The following ASTN2 variants were observed in gnomAD, a reference collection of about 807,000 sequenced individuals.
ASTN2 encodes astrotactin-2.
A neutral mutation model predicts 139.8 loss-of-function variants in ASTN2; 54 were observed. The ratio of observed to expected loss-of-function variants is 0.39; its 90% CI spans 0.31 to 0.48. The LOEUF (loss-of-function observed/expected upper bound fraction) is 0.48. ASTN2 is among the 20% of genes least tolerant of loss of function. ASTN2 has a pLI of 0.95. For missense variants in ASTN2, 1,565 were observed against 1,725.1 expected (o/e 0.91, Z 1.64); for synonymous variants, 756 against 719.5 (o/e 1.05, Z -0.81).
intron 5 of ASTN2, among the ~76,000 whole-genome samples, chr9:117,092,278 T>C (rs1313323365): frequency 6.6e-6 from 1 of 152,042 alleles, no homozygotes; most frequent in Non-Finnish European, 1.5e-5. Context: ...TCTTCCAAAA[T>C]CTTCTAACAT....
chr9:117,348,882 CAAAAAAAAA>C (rs58386335), intron 1 of ASTN2, among the ~76,000 whole-genome samples: 1 of 130,412 alleles, frequency 7.7e-6, no homozygotes, highest in African/African-American at 2.9e-5. Flanking sequence ...TGTCTCTGTC[CAAAAAAAAA>C]AAAAAAAAAG....
chr9:117,079,752 CA>C (rs1197650775), intron 5 of ASTN2, among the ~76,000 whole-genome samples: 1 of 152,092 alleles, frequency 6.6e-6, no homozygotes, highest in Non-Finnish European at 1.5e-5. Flanking sequence ...CACTGTTTTT[CA>C]AGATTTCAGG....
intron 1 of ASTN2, among the ~76,000 whole-genome samples, chr9:117,395,355 A>AG (rs1446430163): frequency 1.3e-5 from 2 of 152,224 alleles, no homozygotes; most frequent in Admixed American, 6.5e-5. Flanking sequence ...CTTTAAAAAA[A>AG]CATGCTGGGG....
chr9:116,565,385 CTCCATATATATATATATATATATATA>C (rs1194249516), intron 19 of ASTN2, among the ~76,000 whole-genome samples: 1 of 30,736 alleles, frequency 3.3e-5, no homozygotes, highest in Non-Finnish European at 5.4e-5. Flanking sequence ...CTCTCTCTCT[CTCCATATATATATATATATATATATA>C]TATATATATA....
chr9:116,867,477 G>GA (rs1269747942), intron 10 of ASTN2, among the ~76,000 whole-genome samples: 2 of 149,580 alleles, frequency 1.3e-5, no homozygotes, highest in Admixed American at 6.7e-5. Context: ...GTGAACCCGG[G>GA]AGGCGGAGCT....
intron 17 of ASTN2, among the ~76,000 whole-genome samples, chr9:116,632,575 A>T (rs568044097): frequency 6.6e-6 from 1 of 152,322 alleles, no homozygotes; most frequent in South Asian, 2.1e-4. Context: ...CCACCGCCAT[A>T]GCCTGTCCCA....
chr9:117,032,698 A>C (rs1045583738), intron 6 of ASTN2, among the ~76,000 whole-genome samples: 1 of 152,188 alleles, frequency 6.6e-6, no homozygotes, highest in East Asian at 1.9e-4. Context: ...GATGGAGGAC[A>C]TCAAGTAGGG....
chr9:116,911,707 A>T (rs957984410), intron 10 of ASTN2, among the ~76,000 whole-genome samples: 1 of 152,150 alleles, frequency 6.6e-6, no homozygotes, highest in Non-Finnish European at 1.5e-5. Context: ...GATCGAGAAC[A>T]TCCTGGCTAA....
chr9:116,652,345 TAAA>T (rs1271942896), intron 16 of ASTN2, among the ~76,000 whole-genome samples: 13 of 152,030 alleles, frequency 8.6e-5, no homozygotes, highest in African/African-American at 3.1e-4. Flanking sequence ...AAATGAAAAA[TAAA>T]TAAATTAATT....
At chr9:116,742,207 T>C (rs767310736) in intron 13 of ASTN2, among the ~76,000 whole-genome samples, 11 of 152,232 alleles carry the variant, frequency 7.2e-5, no homozygotes, top group Non-Finnish European at 1.3e-4. Context: ...AGCTGGACAA[T>C]AGTTTCAAAA....
chr9:117,023,556 T>C (rs1198903624), intron 6 of ASTN2, among the ~76,000 whole-genome samples: 1 of 152,186 alleles, frequency 6.6e-6, no homozygotes, highest in East Asian at 1.9e-4. Context: ...TTACTTACTT[T>C]ATTTTGCTAA....
chr9:116,975,076 G>T (rs562694889), intron 10 of ASTN2, 132 bp downstream of exon 10: 3 of 894,836 alleles, frequency 3.4e-6, no homozygotes, highest in East Asian at 5.7e-5. Flanking sequence ...TAGGAGCATG[G>T]CATATTTGAC....
At chr9:116,442,113 T>C (rs1247954552) in intron 21 of ASTN2, among the ~76,000 whole-genome samples, 3 of 152,150 alleles carry the variant, frequency 2.0e-5, no homozygotes, top group Non-Finnish European at 4.4e-5. Flanking sequence ...GAGAAAATGA[T>C]TGGTCCCTGA....
At position 116,699,952 on chromosome 9, in the gene ASTN2, T is replaced by A. The variant is rs1861092036; in HGVS notation, c.2806+25819A>T. ...GACACACGATGGTGTTAGCTGAAGTTTGATTAGCAATTAGGCACTTCCAAG... is the reference window on the plus strand; with the variant it reads ...GACACACGATGGTGTTAGCTGAAGTATGATTAGCAATTAGGCACTTCCAAG... On this transcript the variant is annotated intron_variant, in intron 16 of 22. Transcript: ENST00000313400. This position sits in a 1 kb window ranked among gnomAD's most constrained non-coding sequence, Gnocchi z 4.2. 1 of 599,950 alleles carries A rather than the reference T, an allele frequency of 1.7e-6. No individual in the cohort carries two copies. Among genetic ancestry groups the A allele is most frequent in the Admixed American group, 3.1e-5 (1 of 32,040 alleles). The allele number at this position is 599,950 out of a possible 1,614,324, so 37.2% of individuals were successfully genotyped here. A position where few individuals can be genotyped will look rare whatever the true frequency, so the allele number is the denominator to read the frequency against.
chr9:116,747,712 C>T (rs561731395), intron 13 of ASTN2, among the ~76,000 whole-genome samples: 1 of 149,534 alleles, frequency 6.7e-6, no homozygotes. Context: ...CACACACACA[C>T]ACACACACAC....
At chr9:116,526,293 C>T (rs1360109218) in intron 19 of ASTN2, among the ~76,000 whole-genome samples, 1 of 152,158 alleles carries the variant, frequency 6.6e-6, no homozygotes, top group Non-Finnish European at 1.5e-5. Context: ...ATCATACCTA[C>T]TCTGTGGGGT....
chr9:116,546,451 T>C (rs1852095326), intron 19 of ASTN2: 1 of 152,206 alleles, frequency 6.6e-6, no homozygotes, highest in Admixed American at 6.5e-5. Context: ...AGAGCCTGGA[T>C]ACCTTAGTGA....
intron 16 of ASTN2, among the ~76,000 whole-genome samples, chr9:116,689,527 C>T (rs941223428): frequency 1.3e-5 from 2 of 152,106 alleles, no homozygotes; most frequent in Non-Finnish European, 2.9e-5. Context: ...AAGTGACTTG[C>T]CTAAGTTTCC....
intron 5 of ASTN2, among the ~76,000 whole-genome samples, chr9:117,066,364 C>A (rs1827942488): frequency 6.7e-6 from 1 of 148,862 alleles, no homozygotes; most frequent in African/African-American, 2.5e-5. Flanking sequence ...TTTCTTATGG[C>A]TGCATAGTAT....
Sources: allele counts gnomAD v4.1 joint callset (sites outside exome capture counted in the v4.1 genomes callset), GRCh38; gene constraint gnomAD v4.1.1; non-coding constraint Gnocchi (gnomAD v3.1); transcripts MANE v1.5; gene names NCBI Gene and HGNC (gene_info 2026-07-23, HGNC 2026-07-21).